MECOM: variants seen among roughly 807,000 people sequenced by gnomAD.
MECOM encodes the protein histone-lysine N-methyltransferase MECOM.
Under a neutral mutation model 116.3 loss-of-function variants are expected in MECOM, and 13 were observed. The observed-to-expected ratio is 0.11, with a 90% CI of 0.07 to 0.18. The LOEUF is 0.18. Among genes scored for constraint, MECOM ranks in the 10% least tolerant of loss-of-function variants. The pLI is 1.00. For missense variants in MECOM, 1,299 were observed against 1,509.0 expected (o/e 0.86, Z 2.31); for synonymous variants, 528 against 535.2 (o/e 0.99, Z 0.19).
intron 1 of MECOM, among the ~76,000 whole-genome samples, chr3:169,487,137 G>A (rs566245195): frequency 6.6e-6 from 1 of 151,632 alleles, no homozygotes; most frequent in South Asian, 2.1e-4. Flanking sequence ...ACAGACAAAG[G>A]TGAAGAGAAG....
rs1372229637 is a variant in MECOM, at chr3:169,161,401, C to T, written c.376-17569G>A. 2.6e-5 allele frequency among the ~76,000 whole-genome samples: 4 copies of T among 152,058 alleles called. No individual in the cohort carries two copies. In the East Asian group the frequency reaches 5.8e-4, roughly 22 times the overall value. On this transcript the variant is annotated intron_variant, in intron 2 of 16. Coordinates refer to ENST00000651503, the MANE Select transcript of MECOM (RefSeq NM_004991.4). ...ACACTGCCATCAAAAGGGGTCTGAC[C>T]TGGATATTTACAAATTCCCTGAGCC...
chr3:169,147,317 G>A, intron 2 of MECOM: 13 of 985,556 alleles, frequency 1.3e-5, no homozygotes, highest in Non-Finnish European at 1.6e-5. Flanking sequence ...CGCGGGTCCT[G>A]GACCCTCACG....
At chr3:169,096,136 A>T (rs1721373085) in intron 12 of MECOM, among the ~76,000 whole-genome samples, 1 of 152,172 alleles carries the variant, frequency 6.6e-6, no homozygotes. Flanking sequence ...AATGAAGAAG[A>T]AAAGGGTTTT....
chr3:169,486,041 G>GTATA (rs200294605), intron 1 of MECOM, among the ~76,000 whole-genome samples: 1 of 121,546 alleles, frequency 8.2e-6, no homozygotes, highest in South Asian at 2.5e-4. Context: ...ATATATATAT[G>GTATA]TATATATATA....
At chr3:169,166,337 G>C (rs562374729) in intron 2 of MECOM, among the ~76,000 whole-genome samples, 1 of 152,116 alleles carries the variant, frequency 6.6e-6, no homozygotes, top group Non-Finnish European at 1.5e-5. Flanking sequence ...CTTCTCAAAG[G>C]TGCTAATTAC....
chr3:169,288,206 A>G (rs181764893), intron 2 of MECOM, among the ~76,000 whole-genome samples: 4 of 150,318 alleles, frequency 2.7e-5, no homozygotes, highest in Admixed American at 2.6e-4. Flanking sequence ...AGGGGGAGAA[A>G]GAGGAAAGAG....
chr3:169,263,335 A>G (rs560028753), intron 2 of MECOM, among the ~76,000 whole-genome samples: 1 of 151,344 alleles, frequency 6.6e-6, no homozygotes, highest in East Asian at 2.0e-4. Flanking sequence ...TCACCGTGTT[A>G]GCCAAGATGG....
chr3:169,086,117 C>A lies in MECOM; in HGVS notation c.3586-1074G>T, dbSNP rs544130719. On this transcript the variant is annotated intron_variant, in intron 16 of 16. Transcript: ENST00000651503. Reference sequence around the variant, plus strand: ...ATTGCATTTAGTTAGAAAATTTACCCTTGTAGGCTGATTTTTGATTTGCTG... The same window carrying A: ...ATTGCATTTAGTTAGAAAATTTACCATTGTAGGCTGATTTTTGATTTGCTG... 5.3e-5 allele frequency among the ~76,000 whole-genome samples: 8 copies of A among 152,288 alleles called. No homozygotes were observed. In the South Asian group the frequency reaches 1.7e-3, roughly 32 times the overall value.
chr3:169,280,624 G>A (rs998078092), intron 2 of MECOM, among the ~76,000 whole-genome samples: 1 of 152,176 alleles, frequency 6.6e-6, no homozygotes. Flanking sequence ...CACAGTGTAG[G>A]CTGTAGCTGG....
intron 2 of MECOM, among the ~76,000 whole-genome samples, chr3:169,340,668 C>G (rs967116820): frequency 6.6e-6 from 1 of 152,124 alleles, no homozygotes; most frequent in African/African-American, 2.4e-5. Flanking sequence ...CCAGATATAG[C>G]TTTCTACACA....
At chr3:169,483,206 T>A (rs571400399) in intron 1 of MECOM, among the ~76,000 whole-genome samples, 53 of 129,208 alleles carry the variant, frequency 4.1e-4, no homozygotes, top group South Asian at 1.1e-3. Context: ...ATTTTTATTT[T>A]TTTTTTTTTT....
At position 169,128,026 on chromosome 3, in the gene MECOM, C is replaced by G; in HGVS notation, c.648G>C (p.Gln216His). ...ERQYRCEDCD[Q>H]LFESKAELAD... ...CTAGTTCAGCCTTAGATTCAAAGAG[C>G]TGGTCACAGTCTTCGCAGCGATATT... Residue 216 changes from glutamine to histidine, a missense_variant, in exon 5 of 17, where the codon CAG becomes CAC. This residue lies in a region of MECOM where 374 missense variants were observed against 433.4 expected (regional missense o/e 0.86). Transcript: ENST00000651503. 6.2e-7 allele frequency: 1 copy of G among 1,614,044 alleles called. No homozygotes were observed. Among genetic ancestry groups the G allele is most frequent in the Non-Finnish European group, 8.5e-7 (1 of 1,179,926 alleles).
At chr3:169,097,335 T>G (rs922255118) in intron 12 of MECOM, among the ~76,000 whole-genome samples, 7 of 152,094 alleles carry the variant, frequency 4.6e-5, no homozygotes, top group African/African-American at 1.4e-4. Flanking sequence ...GCTAAAGTCT[T>G]GGCCAGAAAA....
Position 169,663,515 on chromosome 3 carries a change from TCTCTCTCTCTCTCTCC to T in MECOM, c.-159_-144del, listed in dbSNP as rs1339470851. Reference sequence around the variant, plus strand: ...CTCTCTCTCTCTCTCTCTCTCTCTCTCTCTCTCTCTCTCTCCCTCCCTCCTGTTTCTCTCCTGTTTC... The same window carrying T: ...CTCTCTCTCTCTCTCTCTCTCTCTCTCTCCCTCCTGTTTCTCTCCTGTTTC... On this transcript the variant is annotated 5_prime_UTR_variant, in exon 1 of 17. Coordinates refer to ENST00000651503, the MANE Select transcript of MECOM (RefSeq NM_004991.4). The T allele has an allele frequency of 3.1e-5, 20 of 654,570 alleles. No homozygotes were observed. Among genetic ancestry groups the T allele is most frequent in the African/African-American group, 1.9e-5 (1 of 51,830 alleles). 40.5% of individuals were successfully genotyped at this position (654,570 alleles called of 1,614,324 possible). A position where few individuals can be genotyped will look rare whatever the true frequency, so the allele number is the denominator to read the frequency against.
intron 7 of MECOM, among the ~76,000 whole-genome samples, chr3:169,117,561 A>C (rs898950101): frequency 6.6e-6 from 1 of 151,932 alleles, no homozygotes; most frequent in African/African-American, 2.4e-5. Context: ...AAACATGTCC[A>C]CTTGTTGTCA....
At chr3:169,263,698 G>A (rs540208516) in intron 2 of MECOM, among the ~76,000 whole-genome samples, 1 of 152,068 alleles carries the variant, frequency 6.6e-6, no homozygotes, top group Non-Finnish European at 1.5e-5. Flanking sequence ...GACTATCAGA[G>A]GTTAATAAAG....
chr3:169,554,672 A>G (rs1041268278), intron 1 of MECOM, among the ~76,000 whole-genome samples: 1 of 152,212 alleles, frequency 6.6e-6, no homozygotes, highest in Admixed American at 6.5e-5. Flanking sequence ...TCTTAAACCC[A>G]TAGTTTCAAC....
At chr3:169,418,872 A>G (rs548017851) in intron 1 of MECOM, among the ~76,000 whole-genome samples, 2 of 152,320 alleles carry the variant, frequency 1.3e-5, no homozygotes, top group East Asian at 3.9e-4. Context: ...CTCCTATTCA[A>G]CATAGTATTG....
At chr3:169,630,286 G>A (rs1201489444) in intron 1 of MECOM, among the ~76,000 whole-genome samples, 7 of 152,014 alleles carry the variant, frequency 4.6e-5, no homozygotes, top group Non-Finnish European at 1.0e-4. Context: ...TGGATAAACA[G>A]GCTCAGGGTT....
Sources: allele counts gnomAD v4.1 joint callset (sites outside exome capture counted in the v4.1 genomes callset), GRCh38; gene constraint gnomAD v4.1.1; regional missense constraint gnomAD v4.1.1; transcripts MANE v1.5; gene names NCBI Gene and HGNC (gene_info 2026-07-23, HGNC 2026-07-21).